Variants in PTPRD observed in about 807,000 individuals in gnomAD.
PTPRD encodes the protein receptor-type tyrosine-protein phosphatase delta.
PTPRD carries 34 observed loss-of-function variants against 214.5 expected under a neutral mutation model. The observed-to-expected ratio is 0.16, with a 90% CI of 0.12 to 0.21. The LOEUF is 0.21. PTPRD is among the 10% of genes least tolerant of loss of function. The pLI is 1.00. For missense variants in PTPRD, 2,545 were observed against 2,398.7 expected (o/e 1.06, Z -1.27); for synonymous variants, 1,128 against 845.7 (o/e 1.33, Z -5.79).
At chr9:9,794,055 T>C (rs2098985226) in intron 5 of PTPRD, among the ~76,000 whole-genome samples, 1 of 152,010 alleles carries the variant, frequency 6.6e-6, no homozygotes, top group Admixed American at 6.6e-5. Context: ...GGTTAAAAAA[T>C]ACGTGTTTGG....
chr9:9,254,028 G>A (rs111763682), intron 9 of PTPRD, among the ~76,000 whole-genome samples: 193 of 152,172 alleles, frequency 1.3e-3, no homozygotes, highest in African/African-American at 4.1e-3. Flanking sequence ...TCACCTCTGT[G>A]TGTCTCCTAT....
chr9:8,348,440 A>G (rs1407258540), intron 39 of PTPRD, among the ~76,000 whole-genome samples: 1 of 152,110 alleles, frequency 6.6e-6, no homozygotes, highest in Non-Finnish European at 1.5e-5. Context: ...GGTTTTGTGC[A>G]GGATTACTGG....
At chr9:8,952,425 T>TTTTACC (rs1336532910) in intron 11 of PTPRD, among the ~76,000 whole-genome samples, 5 of 151,980 alleles carry the variant, frequency 3.3e-5, no homozygotes, top group African/African-American at 1.2e-4. Flanking sequence ...AATCTGTATG[T>TTTTACC]TTTACCTTTA....
intron 13 of PTPRD, among the ~76,000 whole-genome samples, chr9:8,635,890 C>T (rs768109264): frequency 4.6e-5 from 7 of 152,166 alleles, no homozygotes; most frequent in Non-Finnish European, 7.4e-5. Flanking sequence ...CCAGAATGAG[C>T]AAATTTCTAA....
intron 11 of PTPRD, among the ~76,000 whole-genome samples, chr9:8,960,643 G>C (rs1409673184): frequency 6.6e-6 from 1 of 152,096 alleles, no homozygotes; most frequent in African/African-American, 2.4e-5. Context: ...TTAGTCCTGA[G>C]GCAGTGACTC....
chr9:9,281,882 C>T (rs1483021075), intron 9 of PTPRD, among the ~76,000 whole-genome samples: 1 of 150,664 alleles, frequency 6.6e-6, no homozygotes, highest in African/African-American at 2.4e-5. Flanking sequence ...AATGGATAAA[C>T]TGTAGTATAT....
intron 5 of PTPRD, among the ~76,000 whole-genome samples, chr9:9,896,882 T>C (rs1468992151): frequency 9.9e-5 from 15 of 152,022 alleles, no homozygotes. Context: ...TGGAGATCCA[T>C]CCACTAAGTG....
intron 39 of PTPRD, among the ~76,000 whole-genome samples, chr9:8,343,382 A>G (rs534703824): frequency 6.6e-6 from 1 of 152,138 alleles, no homozygotes; most frequent in South Asian, 2.1e-4. Context: ...TGACATTGAT[A>G]TATCATGCAA....
At chr9:10,031,007 T>C (rs974555296) in intron 4 of PTPRD, among the ~76,000 whole-genome samples, 2 of 152,118 alleles carry the variant, frequency 1.3e-5, no homozygotes, top group Non-Finnish European at 2.9e-5. Context: ...AAAAACCCAA[T>C]GCAAAATGAA....
At chr9:10,430,932 C>T (rs1053035770) in intron 2 of PTPRD, among the ~76,000 whole-genome samples, 1 of 151,908 alleles carries the variant, frequency 6.6e-6, no homozygotes, top group Non-Finnish European at 1.5e-5. Flanking sequence ...AGCTTTTATA[C>T]ACTTAAATAA....
At chr9:8,393,871 G>A (rs1164531081) in intron 36 of PTPRD, among the ~76,000 whole-genome samples, 3 of 151,968 alleles carry the variant, frequency 2.0e-5, no homozygotes, top group Non-Finnish European at 4.4e-5. Context: ...CTTTCTTGTG[G>A]CATTTAAAAA....
At chr9:8,521,121 C>A (rs10511499) in intron 20 of PTPRD, among the ~76,000 whole-genome samples, 156 bp downstream of exon 20, 14,996 of 152,082 alleles carry the variant, frequency 0.099, 869 homozygotes, top group East Asian at 0.27. Flanking sequence ...TAGGCTTATG[C>A]ATGTTATATA....
intron 2 of PTPRD, among the ~76,000 whole-genome samples, chr9:10,360,877 C>T (rs2097368656): frequency 6.6e-6 from 1 of 152,078 alleles, no homozygotes; most frequent in Non-Finnish European, 1.5e-5. Context: ...CCAAGACGGG[C>T]AGATCGCGAG....
At chr9:8,922,193 GT>G (rs565595682) in intron 11 of PTPRD, among the ~76,000 whole-genome samples, 14 of 151,730 alleles carry the variant, frequency 9.2e-5, no homozygotes, top group African/African-American at 1.9e-4. Flanking sequence ...TCTTGACTTT[GT>G]TTTTTTTCTC....
chr9:8,344,115 A>G (rs1027352086), intron 39 of PTPRD, among the ~76,000 whole-genome samples: 6 of 152,066 alleles, frequency 3.9e-5, no homozygotes, highest in Non-Finnish European at 8.8e-5. Context: ...TTCAAACTCC[A>G]TGTTTGGCAG....
chr9:9,364,150 T>A (rs939032309), intron 9 of PTPRD, among the ~76,000 whole-genome samples: 2 of 151,444 alleles, frequency 1.3e-5, no homozygotes, highest in Admixed American at 1.3e-4. Flanking sequence ...GCTTTGGGAA[T>A]AGAAATATTG....
intron 5 of PTPRD, among the ~76,000 whole-genome samples, chr9:9,817,705 G>C (rs926013541): frequency 3.9e-5 from 6 of 152,162 alleles, no homozygotes; most frequent in African/African-American, 1.4e-4. Flanking sequence ...GGGGTCTTCT[G>C]TGATGATTAC....
chr9:10,005,250 TA>T (rs2096448667), intron 4 of PTPRD, among the ~76,000 whole-genome samples: 1 of 152,060 alleles, frequency 6.6e-6, no homozygotes, highest in African/African-American at 2.4e-5. Context: ...CTTTTTAAAG[TA>T]AAAGAGACCT....
intron 7 of PTPRD, among the ~76,000 whole-genome samples, chr9:9,635,162 A>G (rs1215722995): frequency 6.6e-6 from 1 of 152,200 alleles, no homozygotes; most frequent in Non-Finnish European, 1.5e-5. Context: ...AAGCCTATAA[A>G]GCTTCTTTTT....
Sources: allele counts gnomAD v4.1 joint callset (sites outside exome capture counted in the v4.1 genomes callset), GRCh38; gene constraint gnomAD v4.1.1; transcripts MANE v1.5; gene names NCBI Gene and HGNC (gene_info 2026-07-23, HGNC 2026-07-21).